MARK3: variants seen among roughly 807,000 people sequenced by gnomAD.
MARK3 encodes MAP/microtubule affinity-regulating kinase 3.
A neutral mutation model predicts 90.1 loss-of-function variants in MARK3; 46 were observed. That is an observed-to-expected ratio of 0.51 (90% CI 0.40 to 0.65). MARK3 has a LOEUF of 0.65. Among genes scored for constraint, MARK3 ranks in the 30% least tolerant of loss-of-function variants. The probability of loss-of-function intolerance (pLI) is 0.00; values close to 1 mark genes in which losing one functional copy is unlikely to be tolerated. For synonymous variants in MARK3, 321 were observed against 332.6 expected (o/e 0.97, Z 0.38); for missense variants, 818 against 947.2 (o/e 0.86, Z 1.79).
chr14:103,414,733 A>G (rs968931366), intron 2 of MARK3, among the ~76,000 whole-genome samples: 2 of 152,234 alleles, frequency 1.3e-5, no homozygotes, highest in Middle Eastern at 3.2e-3. Context: ...TCCTTGGGGT[A>G]AGAACAGAGA....
intron 5 of MARK3, among the ~76,000 whole-genome samples, chr14:103,453,836 G>A (rs769280006): frequency 8.5e-5 from 13 of 152,190 alleles, no homozygotes; most frequent in Non-Finnish European, 1.6e-4. Context: ...GGCAGTGAGC[G>A]ATGGGCTTTT....
At chr14:103,495,630 C>G (rs1419405211) in intron 15 of MARK3, among the ~76,000 whole-genome samples, 2 of 152,156 alleles carry the variant, frequency 1.3e-5, no homozygotes, top group East Asian at 1.9e-4. Flanking sequence ...ATTGGAGACT[C>G]AGGCTTGTTG....
intron 16 of MARK3, 46 bp downstream of exon 16, chr14:103,498,574 A>G (rs2075476808): frequency 1.5e-6 from 2 of 1,316,212 alleles, no homozygotes; most frequent in South Asian, 2.0e-5. Context: ...TCACTCCCAA[A>G]TGGCTCCTGC....
intron 2 of MARK3, among the ~76,000 whole-genome samples, chr14:103,420,782 T>C (rs1406294124): frequency 6.6e-6 from 1 of 152,186 alleles, no homozygotes; most frequent in Non-Finnish European, 1.5e-5. Flanking sequence ...TTCGGACATA[T>C]GCAGAACGGT....
intron 3 of MARK3, among the ~76,000 whole-genome samples, chr14:103,440,996 A>T (rs1417144941): frequency 1.3e-5 from 2 of 150,690 alleles, no homozygotes; most frequent in Non-Finnish European, 3.0e-5. Context: ...ACATTTTCCT[A>T]ATTACTGATG....
At chr14:103,431,537 A>T (rs1235119518) in intron 3 of MARK3, among the ~76,000 whole-genome samples, 1 of 152,144 alleles carries the variant, frequency 6.6e-6, no homozygotes, top group African/African-American at 2.4e-5. Flanking sequence ...AGGCTGAGGC[A>T]GGAGAATTGC....
chr14:103,393,687 A>G (rs1385592604), intron 1 of MARK3, among the ~76,000 whole-genome samples: 1 of 152,204 alleles, frequency 6.6e-6, no homozygotes, highest in Non-Finnish European at 1.5e-5. Flanking sequence ...TTGTAATTAC[A>G]TAGAGGCTTA....
At chr14:103,407,267 G>A (rs1426878038) in intron 2 of MARK3, among the ~76,000 whole-genome samples, 1 of 152,124 alleles carries the variant, frequency 6.6e-6, no homozygotes, top group Non-Finnish European at 1.5e-5. Context: ...AGTAAAAATT[G>A]TCTTTAACTT....
chr14:103,503,377 G>A lies in MARK3; in HGVS notation c.*150G>A, dbSNP rs781747605. The A allele has an allele frequency of 1.2e-5, 9 of 745,980 alleles. No homozygotes were observed. Among genetic ancestry groups the A allele is most frequent in the African/African-American group, 7.1e-5 (4 of 56,490 alleles). The allele number at this position is 745,980 out of a possible 1,614,324, so 46.2% of individuals were successfully genotyped here. A position where few individuals can be genotyped will look rare whatever the true frequency, so the allele number is the denominator to read the frequency against. On this transcript the variant is annotated 3_prime_UTR_variant, in exon 18 of 18. Transcript: ENST00000429436. ...GACGAGAGCACGCCTGGGAGCGAAA[G>A]CTGGCCTTTTTTCTACGAATGCACT...
At chr14:103,435,124 C>T (rs907109801) in intron 3 of MARK3, among the ~76,000 whole-genome samples, 1 of 152,160 alleles carries the variant, frequency 6.6e-6, no homozygotes, top group Admixed American at 6.5e-5. Context: ...TGTGGTCTGT[C>T]GTGTAATGAC....
At chr14:103,414,005 G>C (rs766974610) in intron 2 of MARK3, among the ~76,000 whole-genome samples, 5 of 152,144 alleles carry the variant, frequency 3.3e-5, no homozygotes, top group Admixed American at 6.5e-5. Context: ...TAGAACTCCT[G>C]TACAGGTTTT....
intron 1 of MARK3, among the ~76,000 whole-genome samples, chr14:103,401,968 G>T (rs2090989897): frequency 6.6e-6 from 1 of 152,194 alleles, no homozygotes; most frequent in Non-Finnish European, 1.5e-5. Context: ...GAACAACACT[G>T]ACTGAGTCAG....
chr14:103,470,453 C>CAATTTTTTTTTTTTTTTTTTTTTTTTTT (rs1299534465), intron 12 of MARK3, among the ~76,000 whole-genome samples: 4 of 24,186 alleles, frequency 1.7e-4, no homozygotes, highest in Non-Finnish European at 8.3e-5. Context: ...GGAACTAAAT[C>CAATTTTTTTTTTTTTTTTTTTTTTTTTT]TATTTTTTTT....
intron 2 of MARK3, among the ~76,000 whole-genome samples, chr14:103,422,054 C>G (rs2140966975): frequency 6.6e-6 from 1 of 152,296 alleles, no homozygotes; most frequent in South Asian, 2.1e-4. Context: ...TTCTTTCATA[C>G]TTTATAACAT....
intron 2 of MARK3, among the ~76,000 whole-genome samples, chr14:103,406,940 T>C (rs2091335619): frequency 6.6e-6 from 1 of 152,204 alleles, no homozygotes; most frequent in South Asian, 2.1e-4. Context: ...TTCACGCCAT[T>C]CTCCTGCCTC....
intron 15 of MARK3, among the ~76,000 whole-genome samples, chr14:103,496,281 G>A (rs1476456463): frequency 5.3e-5 from 8 of 152,052 alleles, no homozygotes; most frequent in Admixed American, 2.0e-4. Flanking sequence ...TGATTTTTCC[G>A]GTGGAAGATT....
intron 17 of MARK3, among the ~76,000 whole-genome samples, chr14:103,501,397 C>CCA (rs1211146065): frequency 1.3e-5 from 2 of 152,242 alleles, no homozygotes; most frequent in Non-Finnish European, 2.9e-5. Flanking sequence ...GGCCTGACCA[C>CCA]CACAAGTGCT....
chr14:103,484,166 TTTTTTTTTTCTTTTTTTC>T (rs910793314), intron 14 of MARK3, among the ~76,000 whole-genome samples: 1 of 151,236 alleles, frequency 6.6e-6, no homozygotes, highest in African/African-American at 2.4e-5. Flanking sequence ...ATCTTTTCTT[TTTTTTTTTTCTTTTTTTC>T]TTTTTTTTTC....
chr14:103,478,019 G>A (rs1158726134), intron 13 of MARK3, among the ~76,000 whole-genome samples: 9 of 140,006 alleles, frequency 6.4e-5, no homozygotes, highest in South Asian at 2.4e-4. Flanking sequence ...AAAAGTGGCC[G>A]GGCGCAGTGG....
Sources: gnomAD v4.1 joint callset for allele counts (sites outside exome capture counted in the v4.1 genomes callset) on GRCh38, gnomAD v4.1.1 for gene constraint, MANE v1.5 for transcripts, NCBI Gene and HGNC (gene_info 2026-07-23, HGNC 2026-07-21) for gene names.